The following PLEKHA7 variants were observed in gnomAD, a reference collection of about 807,000 sequenced individuals.
PLEKHA7 encodes pleckstrin homology domain containing A7.
In PLEKHA7, 104 loss-of-function variants were observed where a neutral mutation model predicts 170.0. The observed-to-expected ratio is 0.61, with a 90% CI of 0.52 to 0.72. PLEKHA7 has a LOEUF of 0.72. Ranked by LOEUF, PLEKHA7 falls within the 30% of genes least tolerant of loss-of-function variation. PLEKHA7 has a pLI of 0.00. For missense variants in PLEKHA7, 1,615 were observed against 1,671.7 expected (o/e 0.97, Z 0.59); for synonymous variants, 648 against 660.8 (o/e 0.98, Z 0.30).
intron 3 of PLEKHA7, among the ~76,000 whole-genome samples, chr11:16,912,815 G>T (rs1030723271): frequency 1.3e-5 from 2 of 152,150 alleles, no homozygotes; most frequent in African/African-American, 4.8e-5. Context: ...CACAGGTGCT[G>T]CAAGGACTCA....
At position 16,777,346 on chromosome 11, in the gene PLEKHA7, C is replaced by A. The variant is rs1305094336; in HGVS notation, c.*1652G>T. 6.6e-6 allele frequency: 1 copy of A among 152,146 alleles called. No individual in the cohort carries two copies. Among genetic ancestry groups the A allele is most frequent in the Non-Finnish European group, 1.5e-5 (1 of 68,026 alleles). The allele number at this position is 152,146 out of a possible 1,614,324, so 9.4% of individuals were successfully genotyped here. ...ATCACATTTTTTTTGCAAACCATTA[C>A]ATTTTTAAATTAACTTTTTCTTGCA... is the stretch of plus-strand genomic sequence containing the variant. On this transcript the variant is annotated 3_prime_UTR_variant, in exon 27 of 27. Transcript: ENST00000531066.
At chr11:16,955,663 C>T (rs1861654247) in intron 3 of PLEKHA7, among the ~76,000 whole-genome samples, 1 of 152,068 alleles carries the variant, frequency 6.6e-6, no homozygotes, top group African/African-American at 2.4e-5. Context: ...TGTTTTTTCC[C>T]CTCCAGGCCA....
intron 3 of PLEKHA7, among the ~76,000 whole-genome samples, chr11:16,954,641 AAAC>A (rs1253255951): frequency 6.6e-5 from 10 of 152,178 alleles, no homozygotes; most frequent in African/African-American, 1.9e-4. Flanking sequence ...TAGCAAAATA[AAAC>A]AACAAGAAAG....
At chr11:16,900,856 T>TA (rs1172412815) in intron 3 of PLEKHA7, among the ~76,000 whole-genome samples, 3 of 151,866 alleles carry the variant, frequency 2.0e-5, no homozygotes, top group African/African-American at 4.8e-5. Context: ...TTTTATTTTT[T>TA]TTTTTTTTTG....
intron 8 of PLEKHA7, among the ~76,000 whole-genome samples, chr11:16,842,068 G>C (rs1852009595): frequency 6.6e-6 from 1 of 152,196 alleles, no homozygotes. Context: ...GGGAATCCCT[G>C]TTTTGGTTTT....
chr11:16,954,548 C>A lies in PLEKHA7; in HGVS notation c.221+59441G>T, dbSNP rs112831468. ...GACTCTGTCTTTAAAAAAAAAAAAACAAAAACTAATAAGATAGGATGCTGG... is the reference window on the plus strand; with the variant it reads ...GACTCTGTCTTTAAAAAAAAAAAAAAAAAAACTAATAAGATAGGATGCTGG... On this transcript the variant is annotated intron_variant, in intron 3 of 26. Transcript: ENST00000531066. Among the ~76,000 whole-genome samples the A allele has an allele frequency of 6.8e-3, 1,012 of 149,068 alleles. 8 individuals carry two copies. The highest frequency in any genetic ancestry group is 0.023 in the African/African-American group (923 of 40,624).
At chr11:16,790,133 T>C (rs1345806690) in intron 21 of PLEKHA7, 5 of 490,310 alleles carry the variant, frequency 1.0e-5, no homozygotes, top group Admixed American at 3.5e-5. Flanking sequence ...TTCCCTTACA[T>C]GCAGATGACT....
At chr11:16,995,844 TGCAG>T (rs1864307202) in intron 3 of PLEKHA7, among the ~76,000 whole-genome samples, 1 of 152,162 alleles carries the variant, frequency 6.6e-6, no homozygotes, top group Non-Finnish European at 1.5e-5. Flanking sequence ...GTAATTAGGA[TGCAG>T]GTGTGGTTAA....
chr11:16,921,814 T>C (rs1178963871), intron 3 of PLEKHA7, among the ~76,000 whole-genome samples: 1 of 152,248 alleles, frequency 6.6e-6, no homozygotes, highest in Non-Finnish European at 1.5e-5. Flanking sequence ...TGTTTGAGCA[T>C]AAGAACAACT....
chr11:16,871,266 G>T, intron 3 of PLEKHA7, 84 bp from the exon 4 acceptor site: 2 of 1,076,278 alleles, frequency 1.9e-6, no homozygotes, highest in Non-Finnish European at 2.8e-6. Context: ...AATGTCTGGT[G>T]ACCCTGGTCA....
Position 16,817,587 on chromosome 11 carries a change from T to A in PLEKHA7, c.1344-265A>T, listed in dbSNP as rs1015516635. On this transcript the variant is annotated intron_variant, in intron 10 of 26. Transcript: ENST00000531066. This position sits in a 1 kb window ranked among gnomAD's most constrained non-coding sequence, Gnocchi z 4.4. ...ACTTGGAGTGCAATGTGATTAAACC[T>A]GGCTTTTCCTTCTCTCTCCGCTGCC... 1.3e-5 allele frequency among the ~76,000 whole-genome samples: 2 copies of A among 152,214 alleles called. No individual in the cohort carries two copies. Among genetic ancestry groups the A allele is most frequent in the African/African-American group, 4.8e-5 (2 of 41,458 alleles).
intron 3 of PLEKHA7, among the ~76,000 whole-genome samples, chr11:16,914,511 G>A (rs980097348): frequency 6.6e-6 from 1 of 152,200 alleles, no homozygotes; most frequent in African/African-American, 2.4e-5. Context: ...CTCCTTCCAG[G>A]AAGCACAGGG....
intron 3 of PLEKHA7, among the ~76,000 whole-genome samples, chr11:16,905,984 A>G (rs1173011609): frequency 2.7e-5 from 4 of 149,378 alleles, no homozygotes; most frequent in Admixed American, 1.3e-4. Context: ...CCCTGGAGTG[A>G]GGGACAGCTC....
chr11:16,967,274 T>C (rs1282787324), intron 3 of PLEKHA7, among the ~76,000 whole-genome samples: 2 of 152,228 alleles, frequency 1.3e-5, no homozygotes, highest in Non-Finnish European at 2.9e-5. Context: ...CATTAAAATA[T>C]AATTTCTCCA....
At chr11:16,985,944 G>T (rs549256696) in intron 3 of PLEKHA7, among the ~76,000 whole-genome samples, 1 of 152,356 alleles carries the variant, frequency 6.6e-6, no homozygotes, top group African/African-American at 2.4e-5. Context: ...AGCACAAATG[G>T]AGGGATATCA....
chr11:16,949,261 C>T (rs11827202), intron 3 of PLEKHA7, among the ~76,000 whole-genome samples: 59,165 of 152,066 alleles, frequency 0.39, 12,339 homozygotes, highest in African/African-American at 0.5. Context: ...AGCCCCATCT[C>T]CCCTGCAGGT....
chr11:16,966,717 T>C (rs1326297706), intron 3 of PLEKHA7, among the ~76,000 whole-genome samples: 1 of 151,976 alleles, frequency 6.6e-6, no homozygotes, highest in African/African-American at 2.4e-5. Context: ...TTTTCTCTTT[T>C]CCAGAGCAAA....
Position 16,783,798 on chromosome 11 carries a change from G to A in PLEKHA7, c.3552C>T (p.Arg1184=), listed in dbSNP as rs1306666260. The change falls in exon 25 of 27, where the codon CGC becomes CGT. Residue 1184 remains arginine, a synonymous_variant. Coordinates refer to ENST00000531066, the MANE Select transcript of PLEKHA7 (RefSeq NM_001329630.2). The part of the protein sequence containing the change: ...SKPEKVSIPE[R]YVELDPEEPP... ...GCTCTTCGGGATCTAGCTCCACGTA[G>A]CGCTCAGGGATTGACACCTTCTCTG... is the stretch of plus-strand genomic sequence containing the variant. The A allele has an allele frequency of 2.6e-6, 4 of 1,512,526 alleles. No homozygotes were observed. The highest frequency in any genetic ancestry group is 3.5e-6 in the Non-Finnish European group (4 of 1,135,758). 93.7% of individuals were successfully genotyped at this position (1,512,526 alleles called of 1,614,324 possible). A position where few individuals can be genotyped will look rare whatever the true frequency, so the allele number is the denominator to read the frequency against.
At chr11:16,925,880 G>T (rs956880682) in intron 3 of PLEKHA7, among the ~76,000 whole-genome samples, 1 of 152,246 alleles carries the variant, frequency 6.6e-6, no homozygotes, top group Admixed American at 6.5e-5. Context: ...CCTCGTAGAG[G>T]ATGCTGCAAG....
Sources: gnomAD v4.1 joint callset for allele counts (sites outside exome capture counted in the v4.1 genomes callset) on GRCh38, gnomAD v4.1.1 for gene constraint, Gnocchi (gnomAD v3.1) non-coding constraint, MANE v1.5 for transcripts, NCBI Gene and HGNC (gene_info 2026-07-23, HGNC 2026-07-21) for gene names.